KIT: variants seen among roughly 807,000 people sequenced by gnomAD.
The protein encoded by KIT is KIT proto-oncogene, receptor tyrosine kinase.
KIT carries 16 observed loss-of-function variants against 105.7 expected under a neutral mutation model. The observed-to-expected ratio is 0.15, with a 90% CI of 0.10 to 0.23. The LOEUF is 0.23. KIT is among the 10% of genes least tolerant of loss of function. KIT has a pLI of 1.00. For synonymous variants in KIT, 438 were observed against 441.1 expected (o/e 0.99, Z 0.09); for missense variants, 858 against 1,213.8 (o/e 0.71, Z 4.36).
At chr4:54,685,833 C>T (rs1316629565) in intron 1 of KIT, among the ~76,000 whole-genome samples, 3 of 152,232 alleles carry the variant, frequency 2.0e-5, no homozygotes, top group Non-Finnish European at 4.4e-5. Flanking sequence ...AGCCTGGCTG[C>T]ACACATCACT....
chr4:54,658,753 G>T (rs1021457081), intron 1 of KIT, among the ~76,000 whole-genome samples: 5 of 152,164 alleles, frequency 3.3e-5, no homozygotes, highest in Middle Eastern at 6.3e-3. Flanking sequence ...CTGTTGTGGG[G>T]CCGGACTCCC....
At chr4:54,723,299 TC>T (rs1167304476) in intron 7 of KIT, among the ~76,000 whole-genome samples, 7 of 152,110 alleles carry the variant, frequency 4.6e-5, no homozygotes, top group Non-Finnish European at 1.0e-4. Flanking sequence ...AGTCTTCAGA[TC>T]CCTACTCCCT....
Position 54,695,569 on chromosome 4 carries a change from G to A in KIT, c.125G>A (p.Gly42Glu), listed in dbSNP as rs746856550. 1 of 1,614,158 alleles carries A rather than the reference G, an allele frequency of 6.2e-7. No individual in the cohort carries two copies. Among genetic ancestry groups the A allele is most frequent in the Admixed American group, 1.7e-5 (1 of 60,020 alleles). Residue 42 changes from glycine (G) to glutamate (E), a missense_variant, in exon 2 of 21, where the codon GGA becomes GAA. By Grantham distance (98) the Gly-to-Glu change is moderately conservative (BLOSUM62 -2). Transcript: ENST00000288135. ...CCGTCTCCACCATCCATCCATCCAGGAAAATCAGACTTAATAGTCCGCGTG... is the reference window on the plus strand; with the variant it reads ...CCGTCTCCACCATCCATCCATCCAGAAAAATCAGACTTAATAGTCCGCGTG... ...GEPSPPSIHP[G>E]KSDLIVRVGD...
chr4:54,726,129 A>G, intron 9 of KIT, 79 bp downstream of exon 9: 2 of 1,144,784 alleles, frequency 1.7e-6, no homozygotes, highest in Non-Finnish European at 2.6e-6. Flanking sequence ...AGTTCATTCC[A>G]ACATTGACCA....
Position 54,695,543 on chromosome 4 carries a change from A to G in KIT, c.99A>G (p.Glu33=). 6.2e-7 allele frequency: 1 copy of G among 1,614,208 alleles called. No homozygotes were observed. The highest frequency in any genetic ancestry group is 8.5e-7 in the Non-Finnish European group (1 of 1,180,040). The part of the protein sequence containing the change: ...GSSQPSVSPG[E]PSPPSIHPGK... ...CTCAACCATCTGTGAGTCCAGGGGA[A>G]CCGTCTCCACCATCCATCCATCCAG... The change falls in exon 2 of 21, where the codon GAA becomes GAG. Residue 33 remains glutamate, a synonymous_variant. Coordinates refer to ENST00000288135, the MANE Select transcript of KIT (RefSeq NM_000222.3).
chr4:54,686,299 G>A (rs1355288426), intron 1 of KIT, among the ~76,000 whole-genome samples: 2 of 152,048 alleles, frequency 1.3e-5, no homozygotes, highest in Non-Finnish European at 2.9e-5. Flanking sequence ...AAATGGTATA[G>A]TGCTATTGCT....
At chr4:54,707,785 T>C (rs1235195198) in intron 6 of KIT, among the ~76,000 whole-genome samples, 1 of 152,182 alleles carries the variant, frequency 6.6e-6, no homozygotes, top group Non-Finnish European at 1.5e-5. Flanking sequence ...CATAAGTGCT[T>C]TTTTTCTGAA....
At chr4:54,687,551 G>A (rs1380776964) in intron 1 of KIT, among the ~76,000 whole-genome samples, 2 of 152,014 alleles carry the variant, frequency 1.3e-5, no homozygotes, top group African/African-American at 4.8e-5. Context: ...CTGCCCCTTT[G>A]CATCTTCTGT....
At chr4:54,720,728 A>G (rs780837709) in intron 7 of KIT, among the ~76,000 whole-genome samples, 1 of 152,200 alleles carries the variant, frequency 6.6e-6, no homozygotes, top group Non-Finnish European at 1.5e-5. Flanking sequence ...ATGTAGTGTT[A>G]TGAGCATTAG....
intron 1 of KIT, among the ~76,000 whole-genome samples, chr4:54,675,562 C>G (rs112762906): frequency 9.1e-4 from 138 of 152,256 alleles, no homozygotes; most frequent in Middle Eastern, 3.4e-3. Context: ...TGCTTTTAAA[C>G]CAATGTGATT....
chr4:54,734,018 T>C (rs560513528), intron 17 of KIT, among the ~76,000 whole-genome samples: 5 of 152,286 alleles, frequency 3.3e-5, no homozygotes, highest in African/African-American at 1.2e-4. Context: ...CTGTGGCGTC[T>C]CTATTGGTAG....
chr4:54,718,605 C>T (rs908906632), intron 7 of KIT, among the ~76,000 whole-genome samples: 2 of 152,172 alleles, frequency 1.3e-5, no homozygotes, highest in African/African-American at 4.8e-5. Context: ...ACCTTATGGC[C>T]CACAAATCTA....
At chr4:54,685,434 C>T (rs1446935432) in intron 1 of KIT, among the ~76,000 whole-genome samples, 1 of 152,218 alleles carries the variant, frequency 6.6e-6, no homozygotes. Flanking sequence ...AGGGCCAGCC[C>T]ACCCAAGGTC....
intron 7 of KIT, among the ~76,000 whole-genome samples, chr4:54,717,271 C>T (rs999439955): frequency 6.6e-6 from 1 of 152,164 alleles, no homozygotes; most frequent in Admixed American, 6.5e-5. Context: ...AGATGTAGCT[C>T]TGAACTAAGC....
chr4:54,720,142 G>C (rs538009848), intron 7 of KIT, among the ~76,000 whole-genome samples: 4 of 152,026 alleles, frequency 2.6e-5, no homozygotes, highest in African/African-American at 4.8e-5. Flanking sequence ...CTTTAAAAAG[G>C]TACATTGCTG....
At chr4:54,709,633 G>A in intron 7 of KIT, 94 bp downstream of exon 7, 2 of 786,684 alleles carry the variant, frequency 2.5e-6, no homozygotes, top group Non-Finnish European at 4.5e-6. Flanking sequence ...TGTGTACTAT[G>A]TAAATAACGT....
rs115089367 is a variant in KIT, at chr4:54,663,778, A to G, written c.67+5697A>G. Among the ~76,000 whole-genome samples the G allele has an allele frequency of 8.5e-4, 129 of 152,330 alleles. 1 individual carries two copies. The highest frequency in any genetic ancestry group is 3.0e-3 in the African/African-American group (125 of 41,588). On this transcript the variant is annotated intron_variant, in intron 1 of 20. Transcript: ENST00000288135. ...GCTTTCACTAGGAGTTCAAGGACCAAGCTGAACTTGTCCATTGCCCCAGGC... is the reference window on the plus strand; with the variant it reads ...GCTTTCACTAGGAGTTCAAGGACCAGGCTGAACTTGTCCATTGCCCCAGGC...
chr4:54,730,963 T>G (rs1480684947), intron 14 of KIT, among the ~76,000 whole-genome samples: 1 of 152,138 alleles, frequency 6.6e-6, no homozygotes, highest in Non-Finnish European at 1.5e-5. Context: ...TTCTTTGTCT[T>G]TCTTTCATCT....
chr4:54,719,304 C>T (rs1340234063), intron 7 of KIT, among the ~76,000 whole-genome samples: 1 of 152,198 alleles, frequency 6.6e-6, no homozygotes, highest in Non-Finnish European at 1.5e-5. Context: ...CTTTCAGCCA[C>T]CAGCCCTCAG....
Sources: gnomAD v4.1 joint callset for allele counts (sites outside exome capture counted in the v4.1 genomes callset) on GRCh38, gnomAD v4.1.1 for gene constraint, MANE v1.5 for transcripts, NCBI Gene and HGNC (gene_info 2026-07-23, HGNC 2026-07-21) for gene names.